Variants in STX3 observed in about 807,000 individuals in gnomAD.
STX3 encodes the protein syntaxin-3.
In STX3, 19 loss-of-function variants were observed where a neutral mutation model predicts 40.2. That is an observed-to-expected ratio of 0.47 (90% CI 0.33 to 0.69). The LOEUF (loss-of-function observed/expected upper bound fraction) is 0.69, where lower values mean the gene tolerates loss of function less well. Ranked by LOEUF, STX3 falls within the 30% of genes least tolerant of loss-of-function variation. The pLI is 0.02. For synonymous variants in STX3, 122 were observed against 132.2 expected (o/e 0.92, Z 0.53); for missense variants, 364 against 366.7 (o/e 0.99, Z 0.06).
At chr11:59,758,847 C>T (rs512695) in intron 1 of STX3, among the ~76,000 whole-genome samples, 24,314 of 152,198 alleles carry the variant, frequency 0.16, 3,434 homozygotes, top group African/African-American at 0.37. Flanking sequence ...ACTGAGTACC[C>T]ACTGTGTGCC....
intron 3 of STX3, 137 bp from the exon 4 acceptor site, chr11:59,788,736 G>T: frequency 1.7e-6 from 1 of 593,296 alleles, no homozygotes; most frequent in Non-Finnish European, 3.0e-6. Flanking sequence ...CAGATGCTGG[G>T]GAGTGCGTAG....
intron 8 of STX3, 24 bp downstream of exon 8, chr11:59,793,538 T>C: frequency 6.2e-7 from 1 of 1,603,740 alleles, no homozygotes; most frequent in Non-Finnish European, 8.5e-7. Context: ...AGTCCCAGCG[T>C]GGGGAGGGAG....
chr11:59,798,354 C>T (rs1201019184), intron 10 of STX3, among the ~76,000 whole-genome samples: 2 of 151,472 alleles, frequency 1.3e-5, no homozygotes, highest in East Asian at 3.9e-4. Context: ...ATTACAGGCA[C>T]ATGCCACAGC....
At chr11:59,762,786 G>C (rs1863104451) in intron 1 of STX3, among the ~76,000 whole-genome samples, 1 of 152,170 alleles carries the variant, frequency 6.6e-6, no homozygotes, top group Admixed American at 6.5e-5. Context: ...CCAGGAGGAA[G>C]AAGAAGGCCT....
chr11:59,798,210 G>GTTT (rs869122698), intron 10 of STX3, among the ~76,000 whole-genome samples: 1 of 116,544 alleles, frequency 8.6e-6, no homozygotes, highest in Non-Finnish European at 1.7e-5. Flanking sequence ...TGAATCACTG[G>GTTT]TTTTTTTTTT....
intron 8 of STX3, among the ~76,000 whole-genome samples, chr11:59,793,956 G>A (rs1359929767): frequency 6.6e-6 from 1 of 151,836 alleles, no homozygotes; most frequent in African/African-American, 2.4e-5. Flanking sequence ...TCAGAGATCC[G>A]GGCTCCTAAT....
Position 59,802,473 on chromosome 11 carries a change from G to A in STX3, c.*1649G>A. 1 of 985,826 alleles carries A rather than the reference G, an allele frequency of 1.0e-6. No individual in the cohort carries two copies. Among genetic ancestry groups the A allele is most frequent in the Non-Finnish European group, 1.2e-6 (1 of 829,924 alleles). The allele number at this position is 985,826 out of a possible 1,614,324, so 61.1% of individuals were successfully genotyped here. A position where few individuals can be genotyped will look rare whatever the true frequency, so the allele number is the denominator to read the frequency against. On this transcript the variant is annotated 3_prime_UTR_variant, in exon 11 of 11. Coordinates refer to ENST00000337979, the MANE Select transcript of STX3 (RefSeq NM_004177.5). ...CCGGTCACAATCCAGCACTCAGACA[G>A]AGCCAAGGCAATATCCTCTTGCCCA...
chr11:59,773,868 G>T (rs1483608300), intron 2 of STX3, among the ~76,000 whole-genome samples: 2 of 151,852 alleles, frequency 1.3e-5, no homozygotes, highest in Non-Finnish European at 2.9e-5. Context: ...TACTTGGGAG[G>T]CTGAGGCAAA....
At chr11:59,784,447 A>G (rs1477754406) in intron 2 of STX3, among the ~76,000 whole-genome samples, 1 of 152,238 alleles carries the variant, frequency 6.6e-6, no homozygotes, top group Non-Finnish European at 1.5e-5. Context: ...AAGAGGGGCC[A>G]GTAGATTCTG....
intron 9 of STX3, among the ~76,000 whole-genome samples, chr11:59,796,279 G>T (rs1271840297): frequency 1.2e-4 from 19 of 152,184 alleles, no homozygotes; most frequent in Admixed American, 1.2e-3. Context: ...CAATCATTCT[G>T]TTTCTACCAC....
At chr11:59,793,536 C>A (rs375117270) in intron 8 of STX3, 22 bp downstream of exon 8, 1 of 1,604,672 alleles carries the variant, frequency 6.2e-7, no homozygotes, top group African/African-American at 1.3e-5. Context: ...TGAGTCCCAG[C>A]GTGGGGAGGG....
Position 59,802,511 on chromosome 11 carries a change from C to T in STX3, c.*1687C>T. 1.0e-6 allele frequency: 1 copy of T among 985,826 alleles called. No homozygotes were observed. Among genetic ancestry groups the T allele is most frequent in the East Asian group, 1.1e-4 (1 of 8,818 alleles). 61.1% of individuals were successfully genotyped at this position (985,826 alleles called of 1,614,324 possible). A position where few individuals can be genotyped will look rare whatever the true frequency, so the allele number is the denominator to read the frequency against. ...ATCCTCTTGCCCATGGCTATGATGTCAGACAGTGGATGGGCTCCAGCAACA... is the reference window on the plus strand; with the variant it reads ...ATCCTCTTGCCCATGGCTATGATGTTAGACAGTGGATGGGCTCCAGCAACA... On this transcript the variant is annotated 3_prime_UTR_variant, in exon 11 of 11. Coordinates refer to ENST00000337979, the MANE Select transcript of STX3 (RefSeq NM_004177.5).
At chr11:59,761,753 G>C (rs1208998093) in intron 1 of STX3, among the ~76,000 whole-genome samples, 2 of 151,918 alleles carry the variant, frequency 1.3e-5, no homozygotes, top group Non-Finnish European at 2.9e-5. Flanking sequence ...AAAGAGATTA[G>C]TGGAGCAAAT....
At chr11:59,757,669 T>G (rs1862794549) in intron 1 of STX3, among the ~76,000 whole-genome samples, 1 of 152,178 alleles carries the variant, frequency 6.6e-6, no homozygotes, top group Non-Finnish European at 1.5e-5. Context: ...TGTAGCGTCT[T>G]GGAGCAGATG....
intron 1 of STX3, among the ~76,000 whole-genome samples, chr11:59,763,218 TGAA>T (rs1345652464): frequency 1.3e-5 from 2 of 152,208 alleles, no homozygotes; most frequent in Admixed American, 6.5e-5. Flanking sequence ...TCTGAGTTAA[TGAA>T]GGAGTGAACA....
rs1866027941 is a variant in STX3, at chr11:59,805,071, G to A, written c.*4247G>A. 1 of 152,000 alleles carries A rather than the reference G, an allele frequency of 6.6e-6. No individual in the cohort carries two copies. The allele number at this position is 152,000 out of a possible 1,614,324, so 9.4% of individuals were successfully genotyped here. A position where few individuals can be genotyped will look rare whatever the true frequency, so the allele number is the denominator to read the frequency against. On this transcript the variant is annotated 3_prime_UTR_variant, in exon 11 of 11. Transcript: ENST00000337979. ...TTGCACCTGTATTCCCAGCTACTTG[G>A]GAGGCTGAGGCAGGAGAATTGCTTG... is the stretch of plus-strand genomic sequence containing the variant.
At chr11:59,766,268 CTGA>C (rs1371650686) in intron 1 of STX3, among the ~76,000 whole-genome samples, 4 of 152,166 alleles carry the variant, frequency 2.6e-5, no homozygotes. Context: ...TAAGGAGATA[CTGA>C]TGATTTAAAC....
intron 1 of STX3, among the ~76,000 whole-genome samples, chr11:59,767,354 T>C (rs1863331408): frequency 6.6e-6 from 1 of 152,218 alleles, no homozygotes; most frequent in Non-Finnish European, 1.5e-5. Context: ...TGGCTGATAT[T>C]GCAGCTACTG....
Position 59,788,960 on chromosome 11 carries a change from C to T in STX3, c.289+13C>T, listed in dbSNP as rs749027528. On this transcript the variant is annotated intron_variant, in intron 4 of 10. Coordinates refer to ENST00000337979, the MANE Select transcript of STX3 (RefSeq NM_004177.5). ...AACAAACTGAAGAGTAAGAAGGGAA[C>T]AAAGAAAACAAGGCCGTCCCCACCA... 1 of 1,602,564 alleles carries T rather than the reference C, an allele frequency of 6.2e-7. No homozygotes were observed. Among genetic ancestry groups the T allele is most frequent in the Non-Finnish European group, 8.5e-7 (1 of 1,173,836 alleles).
Sources: allele counts gnomAD v4.1 joint callset (sites outside exome capture counted in the v4.1 genomes callset), GRCh38; gene constraint gnomAD v4.1.1; transcripts MANE v1.5; gene names NCBI Gene and HGNC (gene_info 2026-07-23, HGNC 2026-07-21).